The following TSC2 variants were observed in gnomAD, a reference collection of about 807,000 sequenced individuals.
TSC2 encodes the protein TSC complex subunit 2, also known as tuberin.
In TSC2, 29 loss-of-function variants were observed where a neutral mutation model predicts 202.2. The observed-to-expected ratio is 0.14, with a 90% CI of 0.11 to 0.20. The LOEUF (loss-of-function observed/expected upper bound fraction) is 0.20, where lower values mean the gene tolerates loss of function less well. Ranked by LOEUF, TSC2 falls within the 10% of genes least tolerant of loss-of-function variation. The pLI is 1.00. For synonymous variants in TSC2, 1,349 were observed against 1,044.0 expected, an observed-to-expected ratio of 1.29 and a Z score of -5.63; for missense variants, 2,429 against 2,420.0, an observed-to-expected ratio of 1.00 and a Z score of -0.08.
rs45517155 is a variant in TSC2 at position 2,061,894 on chromosome 16, G to A, written c.1143G>A (p.Arg381=). 693 of 1,614,064 alleles carry A rather than the reference G, an allele frequency of 4.3e-4. 3 individuals are homozygous for A. Among genetic ancestry groups the A allele is most frequent in the Middle Eastern group, 1.8e-3 (11 of 6,084 alleles). The change falls in exon 12 of 42, where the codon AGG becomes AGA. Residue 381 remains arginine (R), a synonymous_variant. Transcript: ENST00000219476. ...AGACCTTGGACAGCCCGGAGCTCAG[G>A]ACCATCGTCCATGACCTGTTGACCA... is the stretch of plus-strand genomic sequence containing the variant. ...QLQTLDSPEL[R]TIVHDLLTTV... is the part of the protein sequence containing the mutation.
chr16:2,080,727 G>A lies in TSC2; in HGVS notation c.3610+350G>A, dbSNP rs8047775. On this transcript the variant is annotated intron_variant, in intron 30 of 41. Coordinates refer to ENST00000219476, the MANE Select transcript of TSC2 (RefSeq NM_000548.5). ...TCTCAATCTCCTGACCTCGTGATCC[G>A]CCCGCCTTGGCCTCCCAAAGTGCTG... 949 of 280,182 alleles carry A rather than the reference G, an allele frequency of 3.4e-3. 6 individuals are homozygous for A. Among genetic ancestry groups the A allele is most frequent in the African/African-American group, 0.012 (559 of 45,096 alleles). 17.4% of individuals were successfully genotyped at this position (280,182 alleles called of 1,614,324 possible).
chr16:2,075,689 TTC>T, intron 22 of TSC2, 108 bp from the exon 23 acceptor site: 1 of 1,207,380 alleles, frequency 8.3e-7, no homozygotes, highest in Non-Finnish European at 1.2e-6. Flanking sequence ...GGCCGTGGCC[TTC>T]TCTCCTCTGC....
intron 32 of TSC2, 89 bp downstream of exon 32, chr16:2,082,593 T>G: frequency 7.0e-7 from 1 of 1,430,656 alleles, no homozygotes; most frequent in East Asian, 2.3e-5. Context: ...CCCACCCCCA[T>G]GGTCCGTCTG....
At position 2,088,501 on chromosome 16, in the gene TSC2, C is replaced by T. The variant is rs2151639562; in HGVS notation, c.5315C>T (p.Ser1772Phe). 6.2e-7 allele frequency: 1 copy of T among 1,612,896 alleles called. No homozygotes were observed. The highest frequency in any genetic ancestry group is 2.2e-5 in the East Asian group (1 of 44,882). The change falls in exon 42 of 42, where the codon TCC becomes TTC. Residue 1772 changes from serine to phenylalanine, a missense_variant. Transcript: ENST00000219476. ...AGCCTACCTCTGGTGCACCCTCCGT[C>T]CCATAGCAAAGCCCCTGCACAGACT... is the stretch of plus-strand genomic sequence containing the variant. ...NPSLPLVHPP[S>F]HSKAPAQTPA...
At chr16:2,068,099 G>GC in intron 16 of TSC2, among the ~76,000 whole-genome samples, 1 of 152,270 alleles carries the variant, frequency 6.6e-6, no homozygotes, top group South Asian at 2.1e-4. Flanking sequence ...GAGTGCAGCG[G>GC]CACGATCTCA....
At position 2,054,365 on chromosome 16, in the gene TSC2, C is replaced by G; in HGVS notation, c.406C>G (p.Leu136Val). 2 of 1,614,214 alleles carry G rather than the reference C, an allele frequency of 1.2e-6. No homozygotes were observed. Among genetic ancestry groups the G allele is most frequent in the South Asian group, 2.2e-5 (2 of 91,090 alleles). Reference protein sequence around the residue: ...VIKDYPSNEDLHERLEVFKAL... With the variant: ...VIKDYPSNEDVHERLEVFKAL... ...CAAGGATTACCCTTCCAACGAAGAC[C>G]TTCACGAAAGGCTGGAGGTTTTCAA... The change falls in exon 5 of 42, where the codon CTT becomes GTT. Residue 136 changes from leucine (L) to valine (V), a missense_variant. Transcript: ENST00000219476.
Position 2,070,371 on chromosome 16 carries a change from C to T in TSC2, c.1717-85C>T, listed in dbSNP as rs932816685. On this transcript the variant is annotated intron_variant, in intron 16 of 41. Transcript: ENST00000219476. ...AGCACGCACTCTAGAGCAGCCGCCC[C>T]GGCCCCTGCTCCGGGACAAGGGTGC... 28 of 1,609,670 alleles carry T rather than the reference C, an allele frequency of 1.7e-5. 1 individual carries two copies. Among genetic ancestry groups the T allele is most frequent in the Admixed American group, 1.5e-4 (9 of 59,912 alleles).
chr16:2,049,565 C>T (rs1014607400), intron 2 of TSC2, among the ~76,000 whole-genome samples: 3 of 151,888 alleles, frequency 2.0e-5, no homozygotes, highest in Non-Finnish European at 4.4e-5. Flanking sequence ...TGGCTCACGC[C>T]TGTCATCCCA....
At chr16:2,064,248 T>C (rs370312943) in intron 14 of TSC2, 24 bp from the exon 15 acceptor site, 1 of 1,613,796 alleles carries the variant, frequency 6.2e-7, no homozygotes, top group Non-Finnish European at 8.5e-7. Context: ...CTGGCGCTCA[T>C]TGGCCTCCCT....
chr16:2,080,088 G>C, intron 29 of TSC2, 77 bp from the exon 30 acceptor site: 1 of 1,589,112 alleles, frequency 6.3e-7, no homozygotes, highest in Non-Finnish European at 8.6e-7. Flanking sequence ...GCCAGGCTCG[G>C]GGGGAGCATT....
chr16:2,080,273 C>T lies in TSC2; in HGVS notation c.3506C>T (p.Ala1169Val), dbSNP rs1171383859. Residue 1169 changes from alanine (A) to valine (V), a missense_variant, in exon 30 of 42, where the codon GCC becomes GTC. Coordinates refer to ENST00000219476, the MANE Select transcript of TSC2 (RefSeq NM_000548.5). ...RTAPAAKPEK[A>V]SAGTRVPVQE... ...GCACCAGCCGCGAAACCTGAGAAGG[C>T]CTCAGCTGGCACCCGGGTTCCTGTG... 1.2e-6 allele frequency: 2 copies of T among 1,613,018 alleles called. No homozygotes were observed. Among genetic ancestry groups the T allele is most frequent in the Admixed American group, 1.7e-5 (1 of 60,028 alleles).
At chr16:2,072,519 AG>A (rs1434966745) in intron 20 of TSC2, 156 bp downstream of exon 20, 19 of 1,225,758 alleles carry the variant, frequency 1.6e-5, no homozygotes, top group Middle Eastern at 2.8e-4. Context: ...TGCCTTGGGC[AG>A]GGTGGAGGGA....
rs560709296 is a variant in TSC2 at position 2,078,882 on chromosome 16, A to G, written c.2967-150A>G. On this transcript the variant is annotated intron_variant, in intron 26 of 41. Transcript: ENST00000219476. ...GACAATGTGGTCCACGTGATTCTCA[A>G]GCTGAGGCTCGCTGGGCCGCCCACG... The G allele has an allele frequency of 6.1e-6, 6 of 980,838 alleles. No homozygotes were observed. The East Asian group carries it at 1.5e-4, about 24-fold the overall frequency. 60.8% of individuals were successfully genotyped at this position (980,838 alleles called of 1,614,324 possible). A position where few individuals can be genotyped will look rare whatever the true frequency, so the allele number is the denominator to read the frequency against.
chr16:2,076,522 A>G lies in TSC2; in HGVS notation c.2774A>G (p.Asp925Gly), dbSNP rs1555508942. ...CGGTCCAATGTCCTCTTGTCTTTTGATGACACCCCCGAGAAGGACAGCTTC... is the reference window on the plus strand; with the variant it reads ...CGGTCCAATGTCCTCTTGTCTTTTGGTGACACCCCCGAGAAGGACAGCTTC... Reference protein sequence around the residue: ...GLRSNVLLSFDDTPEKDSFRA... With the variant: ...GLRSNVLLSFGDTPEKDSFRA... Residue 925 changes from aspartate (D) to glycine (G), a missense_variant, in exon 25 of 42, where the codon GAT (aspartate) becomes GGT (glycine). Asp to Gly is a moderately conservative substitution (Grantham distance 94, BLOSUM62 -1). Coordinates refer to ENST00000219476, the MANE Select transcript of TSC2 (RefSeq NM_000548.5). The G allele has an allele frequency of 6.2e-7, 1 of 1,613,230 alleles. No homozygotes were observed.
chr16:2,080,490 TG>T (rs2089995586), intron 30 of TSC2, 113 bp downstream of exon 30: 11 of 1,314,184 alleles, frequency 8.4e-6, no homozygotes, highest in Non-Finnish European at 1.1e-5. Flanking sequence ...GGGTAACTTT[TG>T]TTTTTTTTTT....
chr16:2,053,882 C>A, intron 4 of TSC2: 1 of 466,452 alleles, frequency 2.1e-6, no homozygotes, highest in South Asian at 1.7e-5. Flanking sequence ...CCCTGGTCGG[C>A]CACTTCTACT....
intron 1 of TSC2, 101 bp from the exon 2 acceptor site, chr16:2,048,486 T>C: frequency 1.4e-6 from 2 of 1,445,948 alleles, no homozygotes; most frequent in Non-Finnish European, 1.9e-6. Context: ...GGAAAGGTTA[T>C]GCCCACCAGA....
chr16:2,050,743 C>G (rs763306119), intron 3 of TSC2, among the ~76,000 whole-genome samples: 1 of 151,862 alleles, frequency 6.6e-6, no homozygotes, highest in Non-Finnish European at 1.5e-5. Context: ...AGGCACGCGC[C>G]ACCACACCCG....
At chr16:2,062,445 G>A in intron 12 of TSC2, 52 bp from the exon 13 acceptor site, 1 of 1,526,500 alleles carries the variant, frequency 6.6e-7, no homozygotes, top group Non-Finnish European at 8.9e-7. Flanking sequence ...CCAGTGTGGA[G>A]AAGGAGAGCG....
Sources: gnomAD v4.1 joint callset for allele counts (sites outside exome capture counted in the v4.1 genomes callset) on GRCh38, gnomAD v4.1.1 for gene constraint, MANE v1.5 for transcripts, NCBI Gene and HGNC (gene_info 2026-07-23, HGNC 2026-07-21) for gene names.